Variants in PPP2R5E observed in about 807,000 individuals in gnomAD.
PPP2R5E encodes serine/threonine-protein phosphatase 2A 56 kDa regulatory subunit epsilon isoform.
PPP2R5E carries 4 observed loss-of-function variants against 65.3 expected under a neutral mutation model. That is an observed-to-expected ratio of 0.06 (90% CI 0.03 to 0.14). The LOEUF (loss-of-function observed/expected upper bound fraction) is 0.14, where lower values mean the gene tolerates loss of function less well. Ranked by LOEUF, PPP2R5E falls within the 10% of genes least tolerant of loss-of-function variation. PPP2R5E has a pLI of 1.00. For missense variants in PPP2R5E, 274 were observed against 556.1 expected (o/e 0.49, Z 5.10); for synonymous variants, 183 against 187.4 (o/e 0.98, Z 0.19).
intron 5 of PPP2R5E, among the ~76,000 whole-genome samples, chr14:63,407,744 G>A (rs1425298503): frequency 6.6e-6 from 1 of 152,138 alleles, no homozygotes; most frequent in Non-Finnish European, 1.5e-5. Context: ...AACAGTGTTG[G>A]GAAGTAAGGC....
At chr14:63,394,829 G>A (rs757014473) in intron 7 of PPP2R5E, among the ~76,000 whole-genome samples, 15 of 152,130 alleles carry the variant, frequency 9.9e-5, no homozygotes, top group African/African-American at 3.4e-4. Flanking sequence ...ACTATACCTG[G>A]ATACACAACT....
At chr14:63,505,848 G>A (rs1032617686) in intron 2 of PPP2R5E, among the ~76,000 whole-genome samples, 15 of 152,084 alleles carry the variant, frequency 9.9e-5, no homozygotes, top group African/African-American at 3.4e-4. Context: ...CTGGGTGAGG[G>A]AGAAAATACT....
chr14:63,414,137 C>G (rs1886560103), intron 5 of PPP2R5E, among the ~76,000 whole-genome samples: 1 of 152,126 alleles, frequency 6.6e-6, no homozygotes, highest in South Asian at 2.1e-4. Context: ...GTGTCAAAAA[C>G]AGTCAAAAAA....
In PPP2R5E at chr14:63,453,903, A is replaced by G; in HGVS notation, c.158-18T>C. 1 of 1,452,220 alleles carries G rather than the reference A, an allele frequency of 6.9e-7. No individual in the cohort carries two copies. 90.0% of individuals were successfully genotyped at this position (1,452,220 alleles called of 1,614,324 possible). On this transcript the variant is annotated intron_variant, in intron 2 of 13. Transcript: ENST00000337537. Reference sequence around the variant, plus strand: ...TGGAACGTCTAAGAAAAAAAAAGGAAATGGTGTAAGTCTGTCATCAATTTC... The same window carrying G: ...TGGAACGTCTAAGAAAAAAAAAGGAGATGGTGTAAGTCTGTCATCAATTTC...
chr14:63,478,186 G>C (rs1425106469), intron 2 of PPP2R5E, among the ~76,000 whole-genome samples: 1 of 152,134 alleles, frequency 6.6e-6, no homozygotes, highest in African/African-American at 2.4e-5. Flanking sequence ...GGGACACATC[G>C]AATGACAACT....
chr14:63,454,323 T>C (rs563443578), intron 2 of PPP2R5E, among the ~76,000 whole-genome samples: 2 of 152,408 alleles, frequency 1.3e-5, no homozygotes, highest in African/African-American at 4.8e-5. Context: ...AATTTCATGC[T>C]GACATCCTTG....
chr14:63,448,240 T>C (rs1888610918), intron 3 of PPP2R5E, among the ~76,000 whole-genome samples: 1 of 151,586 alleles, frequency 6.6e-6, no homozygotes. Flanking sequence ...GAGCTTGCAA[T>C]GAGCCGAGAC....
intron 2 of PPP2R5E, among the ~76,000 whole-genome samples, chr14:63,502,413 C>A (rs1294354600): frequency 6.6e-6 from 1 of 152,170 alleles, no homozygotes; most frequent in East Asian, 1.9e-4. Context: ...TGCAGTGGCT[C>A]ACGCCTGTAA....
chr14:63,381,695 C>T (rs978794835), intron 13 of PPP2R5E, among the ~76,000 whole-genome samples: 4 of 152,106 alleles, frequency 2.6e-5, no homozygotes, highest in Non-Finnish European at 4.4e-5. Context: ...CCACGGTGGT[C>T]CCATAAAATT....
chr14:63,480,634 T>C (rs1351781170), intron 2 of PPP2R5E, among the ~76,000 whole-genome samples: 2 of 152,094 alleles, frequency 1.3e-5, no homozygotes, highest in African/African-American at 4.8e-5. Context: ...TTGGTAGACA[T>C]AGGGACTCAC....
rs565303116 is a variant in PPP2R5E, at chr14:63,505,191, C to T, written c.157+34338G>A. Among the ~76,000 whole-genome samples, 272 of 152,164 alleles carry T rather than the reference C, an allele frequency of 1.8e-3. 1 individual carries two copies. The highest frequency in any genetic ancestry group is 6.2e-3 in the African/African-American group (256 of 41,500). ...CTCTACTAAAAATACAAAAATTAGCCGGACATGTTTGCTTGAACCCCAGCA... is the reference window on the plus strand; with the variant it reads ...CTCTACTAAAAATACAAAAATTAGCTGGACATGTTTGCTTGAACCCCAGCA... On this transcript the variant is annotated intron_variant, in intron 2 of 13. Transcript: ENST00000337537.
intron 2 of PPP2R5E, among the ~76,000 whole-genome samples, chr14:63,471,040 T>G (rs985529299): frequency 6.6e-6 from 1 of 151,976 alleles, no homozygotes; most frequent in Non-Finnish European, 1.5e-5. Flanking sequence ...AAAAGCCAAG[T>G]GGGGCAAGTT....
intron 3 of PPP2R5E, among the ~76,000 whole-genome samples, chr14:63,439,437 C>T (rs1048897798): frequency 6.6e-6 from 1 of 151,962 alleles, no homozygotes; most frequent in African/African-American, 2.4e-5. Context: ...TGCAATGGCA[C>T]GATCTCGGCT....
At chr14:63,430,288 A>T in intron 3 of PPP2R5E, among the ~76,000 whole-genome samples, 2 of 151,758 alleles carry the variant, frequency 1.3e-5, no homozygotes, top group Admixed American at 1.3e-4. Flanking sequence ...CCGAGGCGGG[A>T]GGATCACTTG....
At chr14:63,471,676 C>T (rs73274672) in intron 2 of PPP2R5E, among the ~76,000 whole-genome samples, 4,439 of 152,236 alleles carry the variant, frequency 0.029, 191 homozygotes, top group African/African-American at 0.097. Context: ...AGATATTTAG[C>T]AACTTGCCCA....
chr14:63,535,638 T>C (rs1032159585), intron 2 of PPP2R5E, among the ~76,000 whole-genome samples: 1 of 152,186 alleles, frequency 6.6e-6, no homozygotes, highest in Non-Finnish European at 1.5e-5. Flanking sequence ...AAAGATGAGT[T>C]ACATAATCAC....
At chr14:63,500,950 C>T (rs928064227) in intron 2 of PPP2R5E, among the ~76,000 whole-genome samples, 2 of 152,168 alleles carry the variant, frequency 1.3e-5, no homozygotes, top group African/African-American at 4.8e-5. Flanking sequence ...GAGCCAAGTG[C>T]TTTCCACATG....
chr14:63,540,367 G>A (rs1893844074), intron 1 of PPP2R5E, among the ~76,000 whole-genome samples: 1 of 147,218 alleles, frequency 6.8e-6, no homozygotes, highest in Non-Finnish European at 1.5e-5. Context: ...GGAGGCGGAG[G>A]TTGCGGTGAG....
At chr14:63,393,985 A>C (rs530816817) in intron 7 of PPP2R5E, 57 bp from the exon 8 acceptor site, 6 of 1,040,536 alleles carry the variant, frequency 5.8e-6, no homozygotes, top group African/African-American at 1.6e-5. Context: ...AACTGAGACA[A>C]ACTGTTCTTG....
Sources: allele counts gnomAD v4.1 joint callset (sites outside exome capture counted in the v4.1 genomes callset), GRCh38; gene constraint gnomAD v4.1.1; transcripts MANE v1.5; gene names NCBI Gene and HGNC (gene_info 2026-07-23, HGNC 2026-07-21).